SYN2: variants seen among roughly 807,000 people sequenced by gnomAD.
SYN2 encodes the protein synapsin-2.
SYN2 carries 19 observed loss-of-function variants against 50.9 expected under a neutral mutation model. The ratio of observed to expected loss-of-function variants is 0.37; its 90% CI spans 0.26 to 0.55. SYN2 has a LOEUF of 0.55. Among genes scored for constraint, SYN2 ranks in the 20% least tolerant of loss-of-function variants. SYN2 has a pLI of 0.81. For synonymous variants in SYN2, 255 were observed against 224.9 expected, an observed-to-expected ratio of 1.13 and a Z score of -1.20; for missense variants, 587 against 576.4, an observed-to-expected ratio of 1.02 and a Z score of -0.19.
At chr3:12,005,614 TG>T (rs1693785164) in intron 1 of SYN2, among the ~76,000 whole-genome samples, 1 of 149,064 alleles carries the variant, frequency 6.7e-6, no homozygotes, top group African/African-American at 2.5e-5. Context: ...TTTTCTGAAA[TG>T]TGCGTGGTGG....
At chr3:12,049,099 C>T (rs1303096932) in intron 1 of SYN2, among the ~76,000 whole-genome samples, 1 of 152,090 alleles carries the variant, frequency 6.6e-6, no homozygotes, top group South Asian at 2.1e-4. Context: ...ACATGCTTAT[C>T]GAACACTTAG....
At chr3:12,184,324 G>GT (rs1698293161) in intron 11 of SYN2, 21 of 985,868 alleles carry the variant, frequency 2.1e-5, no homozygotes, top group Non-Finnish European at 2.5e-5. Flanking sequence ...ATCCAGCCAT[G>GT]TGTGCGCTTG....
rs912743834 is a variant in SYN2, at chr3:12,097,619, A to G, written c.378-43032A>G. Among the ~76,000 whole-genome samples, 13 of 151,994 alleles carry G rather than the reference A, an allele frequency of 8.6e-5. 1 individual carries two copies. Among genetic ancestry groups the G allele is most frequent in the South Asian group, 2.1e-4 (1 of 4,824 alleles). On this transcript the variant is annotated intron_variant, in intron 1 of 12. Coordinates refer to ENST00000621198, the MANE Select transcript of SYN2 (RefSeq NM_133625.6). ...AGACTCCATCTCAACAAAAAAAAAA[A>G]AAAGAAAGAAAAAAGAAAATGTGTC... is the stretch of plus-strand genomic sequence containing the variant.
rs369349756 is a variant in SYN2 at position 12,161,623 on chromosome 3, C to T, written c.837+15C>T. On this transcript the variant is annotated intron_variant, in intron 6 of 12. Transcript: ENST00000621198. Reference sequence around the variant, plus strand: ...GCATGGGCAAGGTGAGGCAGAGAGGCCTGCTGTGCTTCAGGGTTGAACCAA... The same window carrying T: ...GCATGGGCAAGGTGAGGCAGAGAGGTCTGCTGTGCTTCAGGGTTGAACCAA... 1.2e-6 allele frequency: 2 copies of T among 1,613,822 alleles called. No homozygotes were observed. Among genetic ancestry groups the T allele is most frequent in the Non-Finnish European group, 1.7e-6 (2 of 1,179,876 alleles).
chr3:12,089,996 T>G (rs1168137929), intron 1 of SYN2, among the ~76,000 whole-genome samples: 1 of 152,192 alleles, frequency 6.6e-6, no homozygotes. Context: ...CAATGAGCAC[T>G]AGGTAGCCCT....
At chr3:12,009,597 T>G (rs891163965) in intron 1 of SYN2, among the ~76,000 whole-genome samples, 1 of 152,234 alleles carries the variant, frequency 6.6e-6, no homozygotes, top group Non-Finnish European at 1.5e-5. Flanking sequence ...TTTTTACTCT[T>G]AAGTCGCTCT....
chr3:12,161,628 T>C lies in SYN2; in HGVS notation c.837+20T>C, dbSNP rs760856507. 3.1e-6 allele frequency: 5 copies of C among 1,613,842 alleles called. No individual in the cohort carries two copies. The African/African-American group carries it at 6.7e-5, about 22-fold the overall frequency. On this transcript the variant is annotated intron_variant, in intron 6 of 12. Transcript: ENST00000621198. The stretch of plus-strand genomic sequence containing the variant: ...GGCAAGGTGAGGCAGAGAGGCCTGC[T>C]GTGCTTCAGGGTTGAACCAAGAAGG...
rs1342723561 is a variant in SYN2, at chr3:12,102,071, A to C, written c.378-38580A>C. 3.9e-5 allele frequency among the ~76,000 whole-genome samples: 6 copies of C among 152,196 alleles called. No homozygotes were observed. In the East Asian group the frequency reaches 1.2e-3, roughly 29 times the overall value. On this transcript the variant is annotated intron_variant, in intron 1 of 12. Transcript: ENST00000621198. Reference sequence around the variant, plus strand: ...TGGACAGTCAGAGAAAGTGTTTTAAAGGAGGACATGAGGATTCTATTTTAA... The same window carrying C: ...TGGACAGTCAGAGAAAGTGTTTTAACGGAGGACATGAGGATTCTATTTTAA...
intron 1 of SYN2, among the ~76,000 whole-genome samples, chr3:12,008,615 A>G (rs1450549534): frequency 6.6e-6 from 1 of 152,234 alleles, no homozygotes; most frequent in Non-Finnish European, 1.5e-5. Flanking sequence ...CATTAGTGCT[A>G]AGGGTATGGC....
At chr3:12,162,796 A>T (rs1697684561) in intron 7 of SYN2, among the ~76,000 whole-genome samples, 1 of 152,230 alleles carries the variant, frequency 6.6e-6, no homozygotes, top group African/African-American at 2.4e-5. Flanking sequence ...CTTCTCTGTA[A>T]CTGTGTCCAT....
intron 5 of SYN2, among the ~76,000 whole-genome samples, chr3:12,152,730 T>C (rs1320108201): frequency 6.6e-6 from 1 of 152,174 alleles, no homozygotes; most frequent in Non-Finnish European, 1.5e-5. Flanking sequence ...TTTAAAAAGT[T>C]CTGAAATAGG....
intron 1 of SYN2, among the ~76,000 whole-genome samples, chr3:12,084,276 T>C (rs943130946): frequency 3.3e-5 from 5 of 152,178 alleles, no homozygotes; most frequent in African/African-American, 1.2e-4. Context: ...TAGAGAGTTT[T>C]ATTCTCTTTT....
chr3:12,188,315 G>A (rs148002477), intron 12 of SYN2, among the ~76,000 whole-genome samples: 1 of 152,334 alleles, frequency 6.6e-6, no homozygotes, highest in African/African-American at 2.4e-5. Context: ...GTCTTTGGGA[G>A]GGACAGCACC....
At chr3:12,023,956 A>G (rs138158265) in intron 1 of SYN2, among the ~76,000 whole-genome samples, 51 of 152,164 alleles carry the variant, frequency 3.4e-4, no homozygotes, top group Non-Finnish European at 6.5e-4. Flanking sequence ...TCAATCTGTT[A>G]TTGCTTCCAA....
intron 1 of SYN2, among the ~76,000 whole-genome samples, chr3:12,057,968 T>C (rs928080082): frequency 6.6e-6 from 1 of 152,212 alleles, no homozygotes; most frequent in African/African-American, 2.4e-5. Context: ...CTGGGATGCC[T>C]ACTTTAAAAA....
At chr3:12,131,505 C>T (rs146256579) in intron 1 of SYN2, among the ~76,000 whole-genome samples, 64 of 152,302 alleles carry the variant, frequency 4.2e-4, no homozygotes, top group African/African-American at 1.5e-3. Context: ...GCTCCAATAT[C>T]AAATCAGCCT....
chr3:12,154,336 A>G (rs1255324246), intron 5 of SYN2: 1 of 1,614,218 alleles, frequency 6.2e-7, no homozygotes, highest in Admixed American at 1.7e-5. Context: ...CTTGGCAGCC[A>G]CAGTTCAGAT....
chr3:12,179,259 C>T (rs1357384535), intron 10 of SYN2, among the ~76,000 whole-genome samples: 1 of 23,940 alleles, frequency 4.2e-5, no homozygotes, highest in Non-Finnish European at 6.8e-5. Flanking sequence ...CTGCACAGGT[C>T]CAATAACCCT....
chr3:12,173,200 A>G lies in SYN2; in HGVS notation c.1308+3294A>G, dbSNP rs539233650. On this transcript the variant is annotated intron_variant, in intron 10 of 12. Coordinates refer to ENST00000621198, the MANE Select transcript of SYN2 (RefSeq NM_133625.6). ...ACCCAATAGTTGGCCACACTTGTCA[A>G]AATGCCACAACTTGAGCTTAAAGCC... Among the ~76,000 whole-genome samples, 16 of 152,328 alleles carry G rather than the reference A, an allele frequency of 1.1e-4. No individual in the cohort carries two copies. In the South Asian group the frequency reaches 3.1e-3, roughly 30 times the overall value.
Sources: gnomAD v4.1 joint callset for allele counts (sites outside exome capture counted in the v4.1 genomes callset) on GRCh38, gnomAD v4.1.1 for gene constraint, MANE v1.5 for transcripts, NCBI Gene and HGNC (gene_info 2026-07-23, HGNC 2026-07-21) for gene names.